CIB4: variants seen among roughly 807,000 people sequenced by gnomAD.
CIB4 encodes calcium and integrin binding family member 4, also known as calcium and integrin-binding family member 4.
Under a neutral mutation model 25.8 loss-of-function variants are expected in CIB4, and 25 were observed. The observed-to-expected ratio is 0.97, with a 90% CI of 0.71 to 1.35. The LOEUF (loss-of-function observed/expected upper bound fraction) is 1.35, where lower values mean the gene tolerates loss of function less well. Among genes scored for constraint, CIB4 ranks in the 40% most tolerant of loss-of-function variants. CIB4 has a pLI of 0.00. For missense variants in CIB4, 235 were observed against 228.2 expected (o/e 1.03, Z -0.19); for synonymous variants, 75 against 81.4 (o/e 0.92, Z 0.42).
intron 2 of CIB4, among the ~76,000 whole-genome samples, chr2:26,634,299 G>C (rs1274131667): frequency 2.0e-5 from 3 of 152,194 alleles, no homozygotes; most frequent in Non-Finnish European, 4.4e-5. Flanking sequence ...GCAGATAGTA[G>C]ATATTTTCTA....
At chr2:26,589,060 C>CTTCTTCTTCTTCTTCTTCT (rs762556634) in intron 4 of CIB4, among the ~76,000 whole-genome samples, 2 of 36,494 alleles carry the variant, frequency 5.5e-5, no homozygotes, top group Admixed American at 3.1e-4. Flanking sequence ...CTTCTTCTTC[C>CTTCTTCTTCTTCTTCTTCT]TCTTCCTCTT....
chr2:26,640,090 C>A (rs1297438157), intron 2 of CIB4, among the ~76,000 whole-genome samples: 4 of 114,526 alleles, frequency 3.5e-5, no homozygotes, highest in Non-Finnish European at 6.7e-5. Flanking sequence ...TCACAGGCAC[C>A]GGAGAAAGGG....
intron 4 of CIB4, among the ~76,000 whole-genome samples, chr2:26,591,642 G>A (rs1183847128): frequency 6.6e-6 from 1 of 152,200 alleles, no homozygotes; most frequent in Admixed American, 6.5e-5. Flanking sequence ...CTTGAGTGTG[G>A]GTGGGAACTG....
intron 2 of CIB4, among the ~76,000 whole-genome samples, chr2:26,636,779 G>C (rs1160350271): frequency 6.6e-6 from 1 of 152,124 alleles, no homozygotes; most frequent in East Asian, 1.9e-4. Flanking sequence ...TTTCTAGATT[G>C]AAATTTTTTC....
Position 26,622,998 on chromosome 2 carries a change from G to GAATA in CIB4, c.186+6408_186+6411dup, listed in dbSNP as rs542660438. On this transcript the variant is annotated intron_variant, in intron 3 of 6. Coordinates refer to ENST00000288861, the MANE Select transcript of CIB4 (RefSeq NM_001029881.3). ...ACTCCATCTCAAAAAAAATAAATAA[G>GAATA]AATAAATAAATAAATAAATGATAAA... Among the ~76,000 whole-genome samples the GAATA allele has an allele frequency of 1.0e-3, 156 of 150,276 alleles. 1 individual carries two copies. The highest frequency in any genetic ancestry group is 3.0e-3 in the African/African-American group (124 of 40,944).
intron 4 of CIB4, among the ~76,000 whole-genome samples, chr2:26,586,161 G>T (rs1326596511): frequency 1.3e-5 from 2 of 152,142 alleles, no homozygotes; most frequent in African/African-American, 2.4e-5. Context: ...AGCAGCCCGG[G>T]TGATCTGTTG....
intron 3 of CIB4, among the ~76,000 whole-genome samples, chr2:26,625,057 T>G (rs1034636865): frequency 2.0e-5 from 3 of 152,108 alleles, no homozygotes; most frequent in Non-Finnish European, 4.4e-5. Context: ...ACAAATTTTT[T>G]TGTAAGTCTG....
At chr2:26,584,011 G>T in intron 4 of CIB4, 113 bp from the exon 5 acceptor site, 1 of 669,396 alleles carries the variant, frequency 1.5e-6, no homozygotes. Flanking sequence ...ATGCCCATTA[G>T]CCTCTGGGAG....
chr2:26,626,705 G>C (rs1022370541), intron 3 of CIB4, among the ~76,000 whole-genome samples: 2 of 152,138 alleles, frequency 1.3e-5, no homozygotes, highest in African/African-American at 4.8e-5. Flanking sequence ...GGGGGGAAGA[G>C]GGGGTCTGAG....
At chr2:26,583,743 C>T (rs1029596607) in intron 5 of CIB4, 46 bp downstream of exon 5, 1 of 1,303,584 alleles carries the variant, frequency 7.7e-7, no homozygotes, top group Non-Finnish European at 1.1e-6. Context: ...ACAACCTGGC[C>T]CCTATCCCCG....
At chr2:26,583,730 G>T in intron 5 of CIB4, 59 bp downstream of exon 5, 1 of 1,162,560 alleles carries the variant, frequency 8.6e-7, no homozygotes, top group Non-Finnish European at 1.3e-6. Flanking sequence ...GGGGCTTTGG[G>T]TGACAACCTG....
intron 3 of CIB4, 138 bp from the exon 4 acceptor site, chr2:26,595,455 A>G: frequency 1.0e-6 from 1 of 984,676 alleles, no homozygotes; most frequent in Non-Finnish European, 1.5e-6. Flanking sequence ...ATCGGAGTAG[A>G]TGGTGGCTCA....
chr2:26,594,260 G>C (rs1668639430), intron 4 of CIB4, among the ~76,000 whole-genome samples: 1 of 152,048 alleles, frequency 6.6e-6, no homozygotes, highest in Non-Finnish European at 1.5e-5. Flanking sequence ...TCTCAGGAGG[G>C]GACTCTGTGA....
In CIB4 at chr2:26,621,503, C is replaced by T. The variant is rs541569761; in HGVS notation, c.186+7907G>A. ...TTACTTAAGCCCAGGAGATCAAGACCAGCCTAGGCAACATAGTGGGACCCT... is the reference window on the plus strand; with the variant it reads ...TTACTTAAGCCCAGGAGATCAAGACTAGCCTAGGCAACATAGTGGGACCCT... On this transcript the variant is annotated intron_variant, in intron 3 of 6. Transcript: ENST00000288861. Among the ~76,000 whole-genome samples, 4 of 152,084 alleles carry T rather than the reference C, an allele frequency of 2.6e-5. No homozygotes were observed. The East Asian group carries it at 5.8e-4, about 22-fold the overall frequency.
At chr2:26,605,919 C>T (rs1262507289) in intron 3 of CIB4, among the ~76,000 whole-genome samples, 1 of 152,190 alleles carries the variant, frequency 6.6e-6, no homozygotes, top group African/African-American at 2.4e-5. Flanking sequence ...TTAACTGTTT[C>T]CCAAGAAAAT....
intron 3 of CIB4, among the ~76,000 whole-genome samples, chr2:26,595,638 C>T (rs1258222219): frequency 6.6e-6 from 1 of 152,228 alleles, no homozygotes; most frequent in Non-Finnish European, 1.5e-5. Flanking sequence ...AATACGAGTC[C>T]TTCTCTATGA....
intron 3 of CIB4, among the ~76,000 whole-genome samples, chr2:26,622,256 G>T (rs1669218207): frequency 1.3e-5 from 2 of 152,126 alleles, no homozygotes; most frequent in African/African-American, 4.8e-5. Context: ...AGCTACTTGG[G>T]AGGCTGAGGT....
chr2:26,607,616 G>A (rs1043226279), intron 3 of CIB4, among the ~76,000 whole-genome samples: 6 of 152,166 alleles, frequency 3.9e-5, no homozygotes, highest in Admixed American at 1.3e-4. Flanking sequence ...TGTGGGGCTC[G>A]AATGAGATTA....
intron 2 of CIB4, among the ~76,000 whole-genome samples, chr2:26,635,223 C>T (rs527608931): frequency 4.5e-4 from 68 of 152,328 alleles, no homozygotes; most frequent in African/African-American, 1.6e-3. Context: ...GTGAACAGAC[C>T]TCTTCTTGGA....
Sources: allele counts gnomAD v4.1 joint callset (sites outside exome capture counted in the v4.1 genomes callset), GRCh38; gene constraint gnomAD v4.1.1; transcripts MANE v1.5; gene names NCBI Gene and HGNC (gene_info 2026-07-23, HGNC 2026-07-21).